The following MYRIP variants were observed in gnomAD, a reference collection of about 807,000 sequenced individuals.
MYRIP encodes the protein myosin VIIA and Rab interacting protein.
A neutral mutation model predicts 98.0 loss-of-function variants in MYRIP; 49 were observed. The observed-to-expected ratio is 0.50, with a 90% confidence interval of 0.40 to 0.63. MYRIP has a LOEUF of 0.63. Ranked by LOEUF, MYRIP falls within the 30% of genes least tolerant of loss-of-function variation. The probability of loss-of-function intolerance (pLI) is 0.00; values close to 1 mark genes in which losing one functional copy is unlikely to be tolerated. For missense variants in MYRIP, 1,004 were observed against 1,058.2 expected, an observed-to-expected ratio of 0.95 and a Z score of 0.71; for synonymous variants, 404 against 409.5, an observed-to-expected ratio of 0.99 and a Z score of 0.16.
chr3:40,156,878 C>T (rs1363808585), intron 4 of MYRIP, among the ~76,000 whole-genome samples: 1 of 151,524 alleles, frequency 6.6e-6, no homozygotes, highest in Non-Finnish European at 1.5e-5. Context: ...TGCTTATCAG[C>T]TTAAGGAGAT....
At chr3:40,244,635 G>C in intron 13 of MYRIP, 28 bp downstream of exon 13, 1 of 1,570,536 alleles carries the variant, frequency 6.4e-7, no homozygotes, top group Non-Finnish European at 8.6e-7. Context: ...TGCCCACATG[G>C]GTCCTGCAGG....
At chr3:39,989,256 T>TTGCAG (rs1442586078) in intron 2 of MYRIP, among the ~76,000 whole-genome samples, 11 of 152,270 alleles carry the variant, frequency 7.2e-5, no homozygotes, top group Non-Finnish European at 1.3e-4. Context: ...TTGCTTTCTG[T>TTGCAG]TTGTTTTTCT....
intron 1 of MYRIP, among the ~76,000 whole-genome samples, chr3:39,832,887 C>A (rs556054013): frequency 3.9e-5 from 6 of 152,198 alleles, no homozygotes; most frequent in Middle Eastern, 3.4e-3. Context: ...TTCTGGGAAA[C>A]TACCCTAAGG....
chr3:39,880,416 T>C (rs1342172796), intron 1 of MYRIP, among the ~76,000 whole-genome samples: 1 of 152,206 alleles, frequency 6.6e-6, no homozygotes. Flanking sequence ...GTATAAAAAA[T>C]GATAAAAGCT....
intron 2 of MYRIP, among the ~76,000 whole-genome samples, chr3:39,942,736 T>C (rs1944818391): frequency 6.6e-6 from 1 of 152,176 alleles, no homozygotes; most frequent in Non-Finnish European, 1.5e-5. Context: ...TATTGATCTA[T>C]AGAAGACTAG....
chr3:39,837,170 G>C (rs1941652462), intron 1 of MYRIP, among the ~76,000 whole-genome samples: 1 of 152,156 alleles, frequency 6.6e-6, no homozygotes, highest in Admixed American at 6.5e-5. Context: ...TAGGTTGCCT[G>C]TTCACTCTGA....
intron 1 of MYRIP, among the ~76,000 whole-genome samples, chr3:39,864,583 C>A (rs1246931175): frequency 6.6e-6 from 1 of 152,110 alleles, no homozygotes. Context: ...CCTAGGACTA[C>A]AGCTAACCAG....
intron 10 of MYRIP, 23 bp from the exon 11 acceptor site, chr3:40,209,831 T>A: frequency 1.2e-6 from 2 of 1,613,492 alleles, no homozygotes; most frequent in Non-Finnish European, 8.5e-7. Context: ...GCTCCTCATC[T>A]CATGATTCTG....
chr3:40,076,340 G>T (rs756576060), intron 3 of MYRIP, among the ~76,000 whole-genome samples: 4 of 152,220 alleles, frequency 2.6e-5, no homozygotes, highest in Non-Finnish European at 5.9e-5. Flanking sequence ...AGTCACTCAA[G>T]GCCCCACAGC....
chr3:40,143,339 G>A (rs1250631757), intron 3 of MYRIP, among the ~76,000 whole-genome samples: 1 of 152,152 alleles, frequency 6.6e-6, no homozygotes, highest in Admixed American at 6.5e-5. Context: ...TGCATGTTTG[G>A]TTGGAAACCA....
At position 40,204,145 on chromosome 3, in the gene MYRIP, A is replaced by AAT. The variant is rs1951712822; in HGVS notation, c.1666-5703_1666-5702dup. Among the ~76,000 whole-genome samples, 2 of 27,954 alleles carry AAT rather than the reference A, an allele frequency of 7.2e-5. 1 individual carries two copies. The highest frequency in any genetic ancestry group is 2.0e-4 in the African/African-American group (2 of 10,094). The allele number at this position is 27,954 out of a possible 152,430, so 18.3% of individuals were successfully genotyped here. A position where few individuals can be genotyped will look rare whatever the true frequency, so the allele number is the denominator to read the frequency against. ...TAGAGTATTATATAATATATTATAT[A>AAT]ATATATAAATATATAATATAATATT... On this transcript the variant is annotated intron_variant, in intron 10 of 16. Transcript: ENST00000302541.
intron 13 of MYRIP, among the ~76,000 whole-genome samples, chr3:40,245,110 GA>G (rs1340820033): frequency 1.3e-5 from 2 of 152,194 alleles, no homozygotes; most frequent in Admixed American, 6.5e-5. Context: ...ACAAATGAAG[GA>G]AATTGGAAGC....
chr3:39,919,679 G>A (rs1309540826), intron 2 of MYRIP, among the ~76,000 whole-genome samples: 1 of 150,082 alleles, frequency 6.7e-6, no homozygotes, highest in Non-Finnish European at 1.5e-5. Context: ...TCTGCCATGT[G>A]TGCGGGTATG....
At position 40,044,266 on chromosome 3, in the gene MYRIP, A is replaced by G. The variant is rs369733825; in HGVS notation, c.327A>G (p.Gln109=). ...CCTGGGTCTGCTGCGTCTGCCAGCA[A>G]GCGAGGTGAGTGGCTGGTGCATTCC... is the stretch of plus-strand genomic sequence containing the variant. ...EKAWVCCVCQ[Q]ARLLRAQSLE... The change falls in exon 3 of 17, where the codon CAA becomes CAG. Residue 109 remains glutamine, a synonymous_variant. Coordinates refer to ENST00000302541, the MANE Select transcript of MYRIP (RefSeq NM_015460.4). The G allele has an allele frequency of 1.2e-6, 2 of 1,614,004 alleles. No homozygotes were observed. Among genetic ancestry groups the G allele is most frequent in the African/African-American group, 2.7e-5 (2 of 74,950 alleles).
chr3:40,087,544 G>T (rs1225072461), intron 3 of MYRIP, among the ~76,000 whole-genome samples: 1 of 152,186 alleles, frequency 6.6e-6, no homozygotes, highest in African/African-American at 2.4e-5. Flanking sequence ...AATAGGTTAA[G>T]AAGCCAAAGC....
chr3:39,902,086 T>G (rs1487734644), intron 2 of MYRIP, among the ~76,000 whole-genome samples: 1 of 152,176 alleles, frequency 6.6e-6, no homozygotes, highest in African/African-American at 2.4e-5. Context: ...TCCCCAAGGT[T>G]TTTTGGCATA....
At chr3:39,826,034 T>C (rs1245369713) in intron 1 of MYRIP, among the ~76,000 whole-genome samples, 1 of 152,102 alleles carries the variant, frequency 6.6e-6, no homozygotes, top group Non-Finnish European at 1.5e-5. Context: ...GACATCTTTT[T>C]TGTTTCTGAT....
chr3:40,163,203 G>A (rs1950432593), intron 5 of MYRIP, among the ~76,000 whole-genome samples: 1 of 152,196 alleles, frequency 6.6e-6, no homozygotes, highest in Admixed American at 6.5e-5. Context: ...CCTTAGAGCA[G>A]TGGTTAAAAG....
chr3:40,258,279 G>A lies in MYRIP; in HGVS notation c.*113G>A. Reference sequence around the variant, plus strand: ...TTTCCACCTGAGGAGAAGGCCTGGGGAGGCCACAGTGCACCATTGCACAGG... The same window carrying A: ...TTTCCACCTGAGGAGAAGGCCTGGGAAGGCCACAGTGCACCATTGCACAGG... On this transcript the variant is annotated 3_prime_UTR_variant, in exon 17 of 17. Transcript: ENST00000302541. The A allele has an allele frequency of 1.5e-6, 2 of 1,300,420 alleles. No homozygotes were observed. The highest frequency in any genetic ancestry group is 2.2e-6 in the Non-Finnish European group (2 of 900,674). The allele number at this position is 1,300,420 out of a possible 1,614,324, so 80.6% of individuals were successfully genotyped here.
Sources: gnomAD v4.1 joint callset for allele counts (sites outside exome capture counted in the v4.1 genomes callset) on GRCh38, gnomAD v4.1.1 for gene constraint, MANE v1.5 for transcripts, NCBI Gene and HGNC (gene_info 2026-07-23, HGNC 2026-07-21) for gene names.